The following JAKMIP1 variants were observed in gnomAD, a reference collection of about 807,000 sequenced individuals.
JAKMIP1 encodes janus kinase and microtubule-interacting protein 1.
Under a neutral mutation model 113.0 loss-of-function variants are expected in JAKMIP1, and 33 were observed. The observed-to-expected ratio is 0.29, with a 90% CI of 0.22 to 0.39. The LOEUF is 0.39. Among genes scored for constraint, JAKMIP1 ranks in the 10% least tolerant of loss-of-function variants. JAKMIP1 has a pLI of 1.00. For missense variants in JAKMIP1, 813 were observed against 1,080.5 expected, an observed-to-expected ratio of 0.75 and a Z score of 3.47; for synonymous variants, 480 against 459.9, an observed-to-expected ratio of 1.04 and a Z score of -0.56.
In JAKMIP1 at chr4:6,067,754, G is replaced by T. The variant is rs891927810; in HGVS notation, c.1303-2746C>A. Reference sequence around the variant, plus strand: ...CACTCAAGCTCTTCTGCACACGCAGGTCACCCCCCTGAGCTCCACGTTCAC... The same window carrying T: ...CACTCAAGCTCTTCTGCACACGCAGTTCACCCCCCTGAGCTCCACGTTCAC... On this transcript the variant is annotated intron_variant, in intron 8 of 20. Transcript: ENST00000409021. The surrounding 1 kb of genome is among the most constrained non-coding windows in gnomAD (Gnocchi z 4.6). 7.9e-6 allele frequency among the ~76,000 whole-genome samples: 1 copy of T among 126,908 alleles called. No individual in the cohort carries two copies. The highest frequency in any genetic ancestry group is 1.6e-5 in the Non-Finnish European group (1 of 61,118). The allele number at this position is 126,908 out of a possible 152,430, so 83.3% of individuals were successfully genotyped here.
rs1720540782 is a variant in JAKMIP1 at position 6,081,508 on chromosome 4, G to A, written c.1101+101C>T. The A allele has an allele frequency of 1.5e-6, 2 of 1,334,670 alleles. No individual in the cohort carries two copies. The highest frequency in any genetic ancestry group is 2.7e-5 in the South Asian group (2 of 74,630). 82.7% of individuals were successfully genotyped at this position (1,334,670 alleles called of 1,614,324 possible). Reference sequence around the variant, plus strand: ...CTGGTGCTTTGTGGGGAGGTGGGCAGCAGGTGCGCCCCAGAACATGTGAAT... The same window carrying A: ...CTGGTGCTTTGTGGGGAGGTGGGCAACAGGTGCGCCCCAGAACATGTGAAT... On this transcript the variant is annotated intron_variant, in intron 6 of 20. Transcript: ENST00000409021. The surrounding 1 kb of genome is among the most constrained non-coding windows in gnomAD (Gnocchi z 4.6).
intron 2 of JAKMIP1, among the ~76,000 whole-genome samples, chr4:6,110,823 A>G (rs1714806281): frequency 6.6e-6 from 1 of 150,798 alleles, no homozygotes; most frequent in South Asian, 2.1e-4. Context: ...GATATGAGTG[A>G]GCAGCTTTCC....
intron 5 of JAKMIP1, among the ~76,000 whole-genome samples, chr4:6,083,799 G>A (rs1001664117): frequency 1.3e-5 from 2 of 152,026 alleles, no homozygotes; most frequent in African/African-American, 4.8e-5. Context: ...AGAAGTTGAT[G>A]TATCAACTGC....
At chr4:6,039,908 C>A (rs1714095666) in intron 18 of JAKMIP1, among the ~76,000 whole-genome samples, 2 of 152,136 alleles carry the variant, frequency 1.3e-5, no homozygotes, top group Non-Finnish European at 2.9e-5. Context: ...GGTGCAAACC[C>A]ATTTTTGTAA....
At chr4:6,117,703 G>A (rs1191129339) in intron 1 of JAKMIP1, among the ~76,000 whole-genome samples, 5 of 151,742 alleles carry the variant, frequency 3.3e-5, no homozygotes, top group Non-Finnish European at 4.4e-5. Flanking sequence ...CTGCAATCTT[G>A]ACCATAAGAG....
At position 6,180,795 on chromosome 4, in the gene JAKMIP1, T is replaced by C. The variant is rs1232601824; in HGVS notation, c.-148+19458A>G. The stretch of plus-strand genomic sequence containing the variant: ...TTTAATTTTCTGTCAACGTGCTTTG[T>C]TCTCAGAGGGCCATGGCACATTGAG... On this transcript the variant is annotated intron_variant, in intron 1 of 20. Coordinates refer to ENST00000409021, the MANE Select transcript of JAKMIP1 (RefSeq NM_001099433.2). This position sits in a 1 kb window ranked among gnomAD's most constrained non-coding sequence, Gnocchi z 4.5. 2.0e-5 allele frequency among the ~76,000 whole-genome samples: 3 copies of C among 152,122 alleles called. No individual in the cohort carries two copies. The highest frequency in any genetic ancestry group is 4.4e-5 in the Non-Finnish European group (3 of 68,022).
intron 7 of JAKMIP1, among the ~76,000 whole-genome samples, chr4:6,079,479 A>G (rs1311395228): frequency 6.6e-6 from 1 of 152,198 alleles, no homozygotes; most frequent in African/African-American, 2.4e-5. Flanking sequence ...TTTGATCACT[A>G]GCTTTTCTAT....
intron 2 of JAKMIP1, among the ~76,000 whole-genome samples, chr4:6,111,799 A>G (rs960709938): frequency 3.3e-5 from 5 of 152,222 alleles, no homozygotes; most frequent in Admixed American, 2.0e-4. Context: ...AGTAGCTCAT[A>G]TCGCAGAACC....
chr4:6,058,792 T>C (rs1451081367), intron 11 of JAKMIP1, among the ~76,000 whole-genome samples: 1 of 152,188 alleles, frequency 6.6e-6, no homozygotes. Flanking sequence ...TTCCTTGCAG[T>C]GCCAAGGAAT....
rs1996175 is a variant in JAKMIP1 at position 6,088,315 on chromosome 4, G to A, written c.625-2686C>T. On this transcript the variant is annotated intron_variant, in intron 3 of 20. Coordinates refer to ENST00000409021, the MANE Select transcript of JAKMIP1 (RefSeq NM_001099433.2). This position sits in a 1 kb window ranked among gnomAD's most constrained non-coding sequence, Gnocchi z 5.5. Reference sequence around the variant, plus strand: ...ACATCAAAGCAAAGGAAATCGGTAGGGGCAGTGGAGGGTGTTGCAAACCAA... The same window carrying A: ...ACATCAAAGCAAAGGAAATCGGTAGAGGCAGTGGAGGGTGTTGCAAACCAA... 0.45 allele frequency among the ~76,000 whole-genome samples: 67,942 copies of A among 152,076 alleles called. 16,190 individuals are homozygous for A. The highest frequency in any genetic ancestry group is 0.59 in the Admixed American group (8,994 of 15,284).
intron 1 of JAKMIP1, among the ~76,000 whole-genome samples, chr4:6,145,839 C>G (rs190761044): frequency 6.6e-6 from 1 of 152,144 alleles, no homozygotes; most frequent in Non-Finnish European, 1.5e-5. Flanking sequence ...TGTCCATGTC[C>G]TAATATCTCC....
At position 6,140,250 on chromosome 4, in the gene JAKMIP1, C is replaced by CTT. The variant is rs35255967; in HGVS notation, c.-147-27255_-147-27254dup. Among the ~76,000 whole-genome samples the CTT allele has an allele frequency of 1.1e-4, 16 of 140,204 alleles. No homozygotes were observed. Among genetic ancestry groups the CTT allele is most frequent in the South Asian group, 4.6e-4 (2 of 4,392 alleles). 92.0% of individuals were successfully genotyped at this position (140,204 alleles called of 152,430 possible). ...CTGCTCCCTATTTTTCTTTTTTCCTCTTTTTTTTTTTTTTTTCTGTGGGGA... is the reference window on the plus strand; with the variant it reads ...CTGCTCCCTATTTTTCTTTTTTCCTCTTTTTTTTTTTTTTTTTTCTGTGGGGA... On this transcript the variant is annotated intron_variant, in intron 1 of 20. Transcript: ENST00000409021. The surrounding 1 kb of genome is among the most constrained non-coding windows in gnomAD (Gnocchi z 9.4).
chr4:6,067,546 G>C lies in JAKMIP1; in HGVS notation c.1303-2538C>G, dbSNP rs551080302. 1.3e-5 allele frequency among the ~76,000 whole-genome samples: 2 copies of C among 150,972 alleles called. No individual in the cohort carries two copies. The highest frequency in any genetic ancestry group is 4.9e-5 in the African/African-American group (2 of 40,982). On this transcript the variant is annotated intron_variant, in intron 8 of 20. Transcript: ENST00000409021. This position sits in a 1 kb window ranked among gnomAD's most constrained non-coding sequence, Gnocchi z 4.6. The stretch of plus-strand genomic sequence containing the variant: ...AGCAGTGGTAGTGACATCCCATGGT[G>C]ACAATGGCACCCACGGGAGTGATGC...
At chr4:6,027,478 G>A (rs1712006086) in intron 20 of JAKMIP1, among the ~76,000 whole-genome samples, 2 of 152,174 alleles carry the variant, frequency 1.3e-5, no homozygotes, top group Admixed American at 1.3e-4. Flanking sequence ...AGAGTTTCTG[G>A]CAATGACGAA....
rs541872837 is a variant in JAKMIP1 at position 6,135,600 on chromosome 4, A to C, written c.-147-22603T>G. Among the ~76,000 whole-genome samples, 1 of 152,292 alleles carries C rather than the reference A, an allele frequency of 6.6e-6. No homozygotes were observed. Among genetic ancestry groups the C allele is most frequent in the East Asian group, 1.9e-4 (1 of 5,174 alleles). On this transcript the variant is annotated intron_variant, in intron 1 of 20. Coordinates refer to ENST00000409021, the MANE Select transcript of JAKMIP1 (RefSeq NM_001099433.2). This position sits in a 1 kb window ranked among gnomAD's most constrained non-coding sequence, Gnocchi z 4.9. ...CTAGCCTTGATAAAAAAGCCATCGC[A>C]TACACAGCATTTTGCAGATTAAAAT...
At chr4:6,056,466 G>A (rs1716483248) in intron 12 of JAKMIP1, among the ~76,000 whole-genome samples, 1 of 152,250 alleles carries the variant, frequency 6.6e-6, no homozygotes, top group Non-Finnish European at 1.5e-5. Context: ...GAGTACCCAA[G>A]GAGGATGACC....
In JAKMIP1 at chr4:6,185,478, T is replaced by C. The variant is rs1726547758; in HGVS notation, c.-148+14775A>G. ...CTGGCTAACACAGTGAAACCCCATC[T>C]CTACTAAAAAATACAAAAAATTAGC... On this transcript the variant is annotated intron_variant, in intron 1 of 20. Coordinates refer to ENST00000409021, the MANE Select transcript of JAKMIP1 (RefSeq NM_001099433.2). This position sits in a 1 kb window ranked among gnomAD's most constrained non-coding sequence, Gnocchi z 5.3. Among the ~76,000 whole-genome samples the C allele has an allele frequency of 6.6e-6, 1 of 152,020 alleles. No homozygotes were observed. The highest frequency in any genetic ancestry group is 1.5e-5 in the Non-Finnish European group (1 of 68,018).
chr4:6,047,574 G>A (rs1007244813), intron 16 of JAKMIP1, among the ~76,000 whole-genome samples: 2 of 152,234 alleles, frequency 1.3e-5, no homozygotes, highest in Non-Finnish European at 2.9e-5. Context: ...AGAAAGCTGA[G>A]TTCCAATCCT....
chr4:6,054,836 T>A (rs1415200801), intron 12 of JAKMIP1: 1 of 456,598 alleles, frequency 2.2e-6, no homozygotes, highest in Non-Finnish European at 4.4e-6. Context: ...GGGCTTTGAG[T>A]AAAGCCTCAT....
Sources: gnomAD v4.1 joint callset for allele counts (sites outside exome capture counted in the v4.1 genomes callset) on GRCh38, gnomAD v4.1.1 for gene constraint, Gnocchi (gnomAD v3.1) non-coding constraint, MANE v1.5 for transcripts, NCBI Gene and HGNC (gene_info 2026-07-23, HGNC 2026-07-21) for gene names.